The following MMP20 variants were observed in gnomAD, a reference collection of about 807,000 sequenced individuals.
MMP20 encodes matrix metalloproteinase-20.
MMP20 carries 50 observed loss-of-function variants against 51.8 expected under a neutral mutation model. That is an observed-to-expected ratio of 0.97 (90% CI 0.77 to 1.22). The LOEUF is 1.22. Ranked by LOEUF, MMP20 falls within the 50% of genes most tolerant of loss-of-function variation. MMP20 has a pLI of 0.00. For missense variants in MMP20, 663 were observed against 601.4 expected (o/e 1.10, Z -1.07); for synonymous variants, 244 against 216.2 (o/e 1.13, Z -1.13).
chr11:102,591,102 T>G (rs1297531890), intron 8 of MMP20, among the ~76,000 whole-genome samples: 3 of 152,204 alleles, frequency 2.0e-5, no homozygotes, highest in Admixed American at 1.3e-4. Context: ...CATATGACAA[T>G]AAGATGTCAC....
At chr11:102,598,349 A>G (rs931094777) in intron 6 of MMP20, among the ~76,000 whole-genome samples, 1 of 152,232 alleles carries the variant, frequency 6.6e-6, no homozygotes, top group Non-Finnish European at 1.5e-5. Flanking sequence ...AACAGATTAT[A>G]TCACTAGTCT....
At chr11:102,615,981 C>A (rs896210471) in intron 2 of MMP20, among the ~76,000 whole-genome samples, 3 of 152,052 alleles carry the variant, frequency 2.0e-5, no homozygotes, top group African/African-American at 7.2e-5. Flanking sequence ...AGGAAGTCTG[C>A]GCTGGCTCCC....
At chr11:102,594,475 G>T in intron 7 of MMP20, 146 bp downstream of exon 7, 3 of 979,676 alleles carry the variant, frequency 3.1e-6, no homozygotes, top group Non-Finnish European at 4.7e-6. Context: ...ACAAATGTAG[G>T]GTGGCATTTC....
intron 8 of MMP20, among the ~76,000 whole-genome samples, chr11:102,590,828 A>G (rs146721877): frequency 2.7e-4 from 41 of 152,180 alleles, no homozygotes; most frequent in Admixed American, 6.5e-4. Context: ...CCATCCTTCT[A>G]CAGTAGGGAC....
chr11:102,601,525 C>CT (rs1474312125), intron 6 of MMP20, among the ~76,000 whole-genome samples: 1 of 152,232 alleles, frequency 6.6e-6, no homozygotes, highest in African/African-American at 2.4e-5. Flanking sequence ...ATTCTTTAGA[C>CT]TTTTTTTCTT....
chr11:102,600,778 G>C (rs532811490), intron 6 of MMP20, among the ~76,000 whole-genome samples: 7 of 152,156 alleles, frequency 4.6e-5, no homozygotes, highest in Non-Finnish European at 7.4e-5. Context: ...GAGCCATTGC[G>C]CCTGGCCCCA....
At position 102,608,911 on chromosome 11, in the gene MMP20, G is replaced by A. The variant is rs372276915; in HGVS notation, c.811+26C>T. The A allele has an allele frequency of 6.8e-6, 11 of 1,611,436 alleles. No individual in the cohort carries two copies. The African/African-American group carries it at 1.1e-4, about 16-fold the overall frequency. On this transcript the variant is annotated intron_variant, in intron 5 of 9. Transcript: ENST00000260228. ...TGAATGCCTGCCAATTTCAGGGTGA[G>A]TCATCAAAGAAGGTAATAATCTTAC... is the stretch of plus-strand genomic sequence containing the variant.
At chr11:102,590,206 G>C (rs1433957753) in intron 8 of MMP20, among the ~76,000 whole-genome samples, 2 of 152,176 alleles carry the variant, frequency 1.3e-5, no homozygotes, top group Non-Finnish European at 2.9e-5. Flanking sequence ...ATCAGCCATA[G>C]GTAGTGGAAA....
intron 8 of MMP20, among the ~76,000 whole-genome samples, chr11:102,590,144 T>C (rs79939302): frequency 6.6e-6 from 1 of 152,204 alleles, no homozygotes; most frequent in Non-Finnish European, 1.5e-5. Context: ...AATCCCTTGA[T>C]GTAGCCACTG....
chr11:102,612,723 C>G (rs1355515258), intron 2 of MMP20, among the ~76,000 whole-genome samples: 1 of 142,406 alleles, frequency 7.0e-6, no homozygotes, highest in African/African-American at 2.6e-5. Flanking sequence ...TTTCTTTTTT[C>G]TTTTTCTTTT....
chr11:102,589,827 AC>A (rs1270710161), intron 8 of MMP20, among the ~76,000 whole-genome samples: 1 of 151,958 alleles, frequency 6.6e-6, no homozygotes, highest in Admixed American at 6.6e-5. Flanking sequence ...AGATTTTTGA[AC>A]CCTATTTCAT....
chr11:102,586,390 AT>A (rs1324771935), intron 8 of MMP20, among the ~76,000 whole-genome samples: 1 of 152,152 alleles, frequency 6.6e-6, no homozygotes. Context: ...GTGTCTTCTT[AT>A]GAATTTGTCC....
intron 8 of MMP20, among the ~76,000 whole-genome samples, chr11:102,583,892 A>C (rs1443745460): frequency 6.6e-6 from 1 of 152,176 alleles, no homozygotes; most frequent in Admixed American, 6.6e-5. Flanking sequence ...GCAGATTTTC[A>C]TGACTGACAT....
chr11:102,596,812 C>T (rs1353602262), intron 6 of MMP20, among the ~76,000 whole-genome samples: 2 of 152,260 alleles, frequency 1.3e-5, no homozygotes, highest in East Asian at 3.9e-4. Context: ...GTACTTTGAC[C>T]CTTTGTCCAA....
At chr11:102,619,788 T>G (rs1376344417) in intron 1 of MMP20, among the ~76,000 whole-genome samples, 2 of 152,238 alleles carry the variant, frequency 1.3e-5, no homozygotes, top group Admixed American at 1.3e-4. Context: ...TTTTTTTTTT[T>G]TACTATGAAC....
intron 5 of MMP20, 77 bp from the exon 6 acceptor site, chr11:102,606,753 G>T (rs1379824079): frequency 5.8e-6 from 9 of 1,546,036 alleles, no homozygotes; most frequent in Non-Finnish European, 8.0e-6. Context: ...AGCCCCAGGG[G>T]AGGTTGTACA....
chr11:102,579,813 ACTTGCCATTT>A (rs1217399542), intron 8 of MMP20, among the ~76,000 whole-genome samples: 6 of 151,676 alleles, frequency 4.0e-5, no homozygotes, highest in African/African-American at 1.5e-4. Flanking sequence ...CTCAAAAAAA[ACTTGCCATTT>A]GAAAGGAACT....
intron 8 of MMP20, among the ~76,000 whole-genome samples, chr11:102,588,391 C>A (rs1859278053): frequency 6.6e-6 from 1 of 151,994 alleles, no homozygotes; most frequent in Non-Finnish European, 1.5e-5. Context: ...ATATTTGCAG[C>A]TTTTGTTATA....
intron 2 of MMP20, among the ~76,000 whole-genome samples, chr11:102,614,844 C>T (rs1170535199): frequency 2.6e-5 from 4 of 151,768 alleles, no homozygotes; most frequent in East Asian, 3.9e-4. Flanking sequence ...TTGCTGATTT[C>T]TGTGTTGTAA....
Sources: gnomAD v4.1 joint callset for allele counts (sites outside exome capture counted in the v4.1 genomes callset) on GRCh38, gnomAD v4.1.1 for gene constraint, MANE v1.5 for transcripts, NCBI Gene and HGNC (gene_info 2026-07-23, HGNC 2026-07-21) for gene names.